Variants in NME5 observed in about 807,000 individuals in gnomAD.
The protein encoded by NME5 is NME/NM23 family member 5.
A neutral mutation model predicts 21.6 loss-of-function variants in NME5; 18 were observed. The observed-to-expected ratio is 0.83, with a 90% CI of 0.58 to 1.24. The LOEUF (loss-of-function observed/expected upper bound fraction) is 1.24, where lower values mean the gene tolerates loss of function less well. NME5 is among the 50% of genes most tolerant of loss of function. NME5 has a pLI of 0.00. For synonymous variants in NME5, 70 were observed against 80.6 expected (o/e 0.87, Z 0.71); for missense variants, 223 against 255.4 (o/e 0.87, Z 0.86).
At chr5:138,122,770 T>C (rs1373169163) in intron 4 of NME5, among the ~76,000 whole-genome samples, 1 of 151,592 alleles carries the variant, frequency 6.6e-6, no homozygotes, top group Non-Finnish European at 1.5e-5. Flanking sequence ...CTCTGCCTCC[T>C]GGGTTCAAGC....
intron 2 of NME5, among the ~76,000 whole-genome samples, chr5:138,134,346 C>T (rs1014860488): frequency 3.3e-5 from 5 of 152,016 alleles, no homozygotes; most frequent in Admixed American, 3.3e-4. Context: ...CAGATTCAAG[C>T]GATTCTCCTG....
chr5:138,121,440 G>A (rs1581377227), intron 4 of NME5, among the ~76,000 whole-genome samples: 1 of 152,124 alleles, frequency 6.6e-6, no homozygotes, highest in South Asian at 2.1e-4. Context: ...AACCAAAATA[G>A]AATGGTTGTA....
At chr5:138,117,358 T>C (rs1328931698) in intron 5 of NME5, among the ~76,000 whole-genome samples, 1 of 151,798 alleles carries the variant, frequency 6.6e-6, no homozygotes, top group Non-Finnish European at 1.5e-5. Flanking sequence ...AATAAATAAA[T>C]TGGATTTCAT....
intron 2 of NME5, among the ~76,000 whole-genome samples, chr5:138,135,196 T>C (rs963917692): frequency 2.8e-5 from 4 of 144,526 alleles, no homozygotes; most frequent in African/African-American, 1.0e-4. Context: ...AGGGTGCCTG[T>C]AGTCCCAGCT....
chr5:138,138,359 G>A lies in NME5; in HGVS notation c.129+293C>T, dbSNP rs555880997. ...AAGGGACTGTTCTGTTTTATGGGGG[G>A]AAAATGTTTATAAATGCATAGAAAA... On this transcript the variant is annotated intron_variant, in intron 2 of 5. Transcript: ENST00000265191. The A allele has an allele frequency of 2.2e-4, 65 of 295,584 alleles. 1 individual carries two copies. In the South Asian group the frequency reaches 2.2e-3, roughly 10 times the overall value. 18.3% of individuals were successfully genotyped at this position (295,584 alleles called of 1,614,324 possible).
intron 5 of NME5, 134 bp from the exon 6 acceptor site, chr5:138,115,898 T>C: frequency 3.6e-6 from 2 of 549,436 alleles, no homozygotes; most frequent in Non-Finnish European, 6.2e-6. Flanking sequence ...TGGAAACATT[T>C]GGATTTACAT....
At chr5:138,131,128 A>T (rs1014638004) in intron 2 of NME5, among the ~76,000 whole-genome samples, 1 of 141,686 alleles carries the variant, frequency 7.1e-6, no homozygotes, top group Non-Finnish European at 1.5e-5. Context: ...GCACTTTGGG[A>T]GGCCGAGGTG....
chr5:138,122,463 A>AAAAAAAAAAAAAAAG (rs1196337031), intron 4 of NME5, among the ~76,000 whole-genome samples: 3 of 149,020 alleles, frequency 2.0e-5, no homozygotes, highest in Admixed American at 1.3e-4. Context: ...AAAAAAAAAA[A>AAAAAAAAAAAAAAAG]AAAAAATTGT....
At chr5:138,118,411 C>G (rs1159295220) in intron 5 of NME5, among the ~76,000 whole-genome samples, 3 of 152,044 alleles carry the variant, frequency 2.0e-5, no homozygotes, top group African/African-American at 4.8e-5. Context: ...AGGCGTGAGC[C>G]ACTGCGCCCA....
chr5:138,136,515 T>C (rs955913833), intron 2 of NME5, among the ~76,000 whole-genome samples: 12 of 152,142 alleles, frequency 7.9e-5, no homozygotes, highest in Non-Finnish European at 1.8e-4. Flanking sequence ...GAGCTCTTTA[T>C]GTATTAAGAA....
intron 4 of NME5, among the ~76,000 whole-genome samples, chr5:138,124,121 C>T (rs1006640072): frequency 1.7e-4 from 26 of 151,118 alleles, no homozygotes; most frequent in Admixed American, 1.6e-3. Flanking sequence ...CTCAGCCTCC[C>T]GAGTAGCTGG....
At chr5:138,122,313 G>A (rs1311760404) in intron 4 of NME5, among the ~76,000 whole-genome samples, 6 of 151,268 alleles carry the variant, frequency 4.0e-5, no homozygotes, top group African/African-American at 4.9e-5. Context: ...GGTGGTGGGC[G>A]CCTGTAATCC....
At chr5:138,139,254 C>T (rs1248333545) in intron 1 of NME5, 117 bp downstream of exon 1, 1 of 580,624 alleles carries the variant, frequency 1.7e-6, no homozygotes, top group Non-Finnish European at 2.2e-6. Flanking sequence ...GACCCTGTCC[C>T]GCAGGGACCT....
chr5:138,135,446 T>C (rs1751677052), intron 2 of NME5, among the ~76,000 whole-genome samples: 2 of 151,626 alleles, frequency 1.3e-5, no homozygotes, highest in African/African-American at 4.8e-5. Context: ...GCCATTCTCC[T>C]GCCCCAGCCT....
In NME5 at chr5:138,115,782, A is replaced by G. The variant is rs755853494; in HGVS notation, c.556-18T>C. 4.0e-6 allele frequency: 6 copies of G among 1,516,440 alleles called. No homozygotes were observed. The South Asian group carries it at 7.3e-5, about 19-fold the overall frequency. 93.9% of individuals were successfully genotyped at this position (1,516,440 alleles called of 1,614,324 possible). On this transcript the variant is annotated intron_variant, in intron 5 of 5. Transcript: ENST00000265191. Reference sequence around the variant, plus strand: ...AGCCAAATCTATGGGAAAAAAAAAAACAACCTAAGTTAAGAAACAGTTACA... The same window carrying G: ...AGCCAAATCTATGGGAAAAAAAAAAGCAACCTAAGTTAAGAAACAGTTACA...
rs187059951 is a variant in NME5 at position 138,128,752 on chromosome 5, C to G, written c.336-173G>C. 16 of 499,574 alleles carry G rather than the reference C, an allele frequency of 3.2e-5. No homozygotes were observed. The Admixed American group carries it at 4.2e-4, about 13-fold the overall frequency. The allele number at this position is 499,574 out of a possible 1,614,324, so 30.9% of individuals were successfully genotyped here. A position where few individuals can be genotyped will look rare whatever the true frequency, so the allele number is the denominator to read the frequency against. On this transcript the variant is annotated intron_variant, in intron 3 of 5. Transcript: ENST00000265191. ...TAAGCTTATCTATCTAGATAAGGAT[C>G]AAATATATTTACGTCTGCAGGAGGA...
chr5:138,131,422 G>A (rs1331295914), intron 2 of NME5, among the ~76,000 whole-genome samples: 1 of 151,426 alleles, frequency 6.6e-6, no homozygotes, highest in African/African-American at 2.4e-5. Context: ...GGTGGTGCAT[G>A]TCTGTAATCC....
intron 2 of NME5, among the ~76,000 whole-genome samples, chr5:138,131,245 G>C (rs544702491): frequency 6.0e-5 from 9 of 150,328 alleles, no homozygotes; most frequent in Admixed American, 1.3e-4. Flanking sequence ...GCCAGCCGTG[G>C]TGGCGGGCAC....
chr5:138,137,923 G>A (rs1751740036), intron 2 of NME5, among the ~76,000 whole-genome samples: 1 of 151,566 alleles, frequency 6.6e-6, no homozygotes, highest in Non-Finnish European at 1.5e-5. Flanking sequence ...TGCTTGAACC[G>A]GGACCTGGAA....
Sources: allele counts gnomAD v4.1 joint callset (sites outside exome capture counted in the v4.1 genomes callset), GRCh38; gene constraint gnomAD v4.1.1; transcripts MANE v1.5; gene names NCBI Gene and HGNC (gene_info 2026-07-23, HGNC 2026-07-21).